Variants in SLC25A13 observed in about 807,000 individuals in gnomAD.
SLC25A13 encodes electrogenic aspartate/glutamate antiporter SLC25A13, mitochondrial.
In SLC25A13, 70 loss-of-function variants were observed where a neutral mutation model predicts 85.5. The observed-to-expected ratio is 0.82, with a 90% CI of 0.68 to 1.00. The LOEUF is 1.00. Among genes scored for constraint, SLC25A13 ranks in the 50% least tolerant of loss-of-function variants. The pLI, the probability that SLC25A13 is intolerant of heterozygous loss-of-function variation, is 0.00. For synonymous variants in SLC25A13, 259 were observed against 288.7 expected (o/e 0.90, Z 1.04); for missense variants, 765 against 819.8 (o/e 0.93, Z 0.82).
At chr7:96,251,887 G>A (rs1282170217) in intron 3 of SLC25A13, among the ~76,000 whole-genome samples, 1 of 152,174 alleles carries the variant, frequency 6.6e-6, no homozygotes, top group Non-Finnish European at 1.5e-5. Context: ...GACTGAATGT[G>A]GGCTGTGTGT....
chr7:96,251,349 T>G (rs1357708354), intron 3 of SLC25A13, among the ~76,000 whole-genome samples: 1 of 152,174 alleles, frequency 6.6e-6, no homozygotes, highest in African/African-American at 2.4e-5. Flanking sequence ...CTTTGGCTTT[T>G]ACTCTGAGTG....
intron 4 of SLC25A13, among the ~76,000 whole-genome samples, chr7:96,233,096 C>G (rs1796617219): frequency 6.6e-6 from 1 of 152,222 alleles, no homozygotes; most frequent in Non-Finnish European, 1.5e-5. Flanking sequence ...TATCAAGGAA[C>G]TACCTGAAGC....
At chr7:96,308,570 T>C (rs1799843513) in intron 1 of SLC25A13, among the ~76,000 whole-genome samples, 1 of 152,170 alleles carries the variant, frequency 6.6e-6, no homozygotes, top group African/African-American at 2.4e-5. Flanking sequence ...TCAGAGTTAA[T>C]CTTTAAAAGG....
intron 3 of SLC25A13, among the ~76,000 whole-genome samples, chr7:96,238,939 A>G (rs1395325429): frequency 1.3e-5 from 2 of 150,708 alleles, no homozygotes; most frequent in Non-Finnish European, 3.0e-5. Context: ...TAAAAGGCTT[A>G]TATAAAAAAA....
chr7:96,291,087 C>T (rs1799100018), intron 2 of SLC25A13, among the ~76,000 whole-genome samples: 1 of 152,154 alleles, frequency 6.6e-6, no homozygotes, highest in African/African-American at 2.4e-5. Flanking sequence ...GTCTCTCAGA[C>T]CACAGTGCAA....
At chr7:96,148,892 A>G in intron 13 of SLC25A13, among the ~76,000 whole-genome samples, 1 of 152,212 alleles carries the variant, frequency 6.6e-6, no homozygotes, top group East Asian at 1.9e-4. Flanking sequence ...GAAGATAAAA[A>G]GAGATGGAGA....
chr7:96,245,597 A>C (rs1427671371), intron 3 of SLC25A13, among the ~76,000 whole-genome samples: 1 of 152,252 alleles, frequency 6.6e-6, no homozygotes, highest in Non-Finnish European at 1.5e-5. Flanking sequence ...ATAATTACCA[A>C]CACTGAGAGC....
At chr7:96,261,823 T>C (rs542386886) in intron 3 of SLC25A13, among the ~76,000 whole-genome samples, 25 of 152,302 alleles carry the variant, frequency 1.6e-4, no homozygotes, top group African/African-American at 5.8e-4. Flanking sequence ...GGCACTGACA[T>C]TGAGGGCTTT....
rs1424552569 is a variant in SLC25A13 at position 96,120,740 on chromosome 7, T to A, written c.*451A>T. 8.8e-6 allele frequency: 4 copies of A among 454,080 alleles called. No homozygotes were observed. Among genetic ancestry groups the A allele is most frequent in the Non-Finnish European group, 1.8e-5 (4 of 226,980 alleles). 28.1% of individuals were successfully genotyped at this position (454,080 alleles called of 1,614,324 possible). On this transcript the variant is annotated 3_prime_UTR_variant, in exon 18 of 18. Transcript: ENST00000265631. ...CAGGCTGAATATATTTGATATATAT[T>A]TTTTCATTTCTCCCAGTGTTTTTTA...
At chr7:96,191,307 G>T in intron 6 of SLC25A13, 60 bp from the exon 7 acceptor site, 2 of 1,554,642 alleles carry the variant, frequency 1.3e-6, no homozygotes, top group Non-Finnish European at 8.8e-7. Context: ...AGATGATTCA[G>T]AAGTACATAC....
intron 1 of SLC25A13, among the ~76,000 whole-genome samples, chr7:96,315,867 G>T (rs944098542): frequency 1.3e-5 from 2 of 151,828 alleles, no homozygotes; most frequent in African/African-American, 4.8e-5. Flanking sequence ...TCTGAAGAGG[G>T]TTTTATGATG....
intron 2 of SLC25A13, among the ~76,000 whole-genome samples, chr7:96,296,030 C>T (rs1023607332): frequency 5.9e-5 from 9 of 151,824 alleles, no homozygotes; most frequent in Admixed American, 6.6e-5. Flanking sequence ...TAATCATTCA[C>T]TGCCCACTAT....
intron 9 of SLC25A13, among the ~76,000 whole-genome samples, chr7:96,188,556 C>A (rs1004946401): frequency 6.6e-6 from 1 of 152,190 alleles, no homozygotes; most frequent in Non-Finnish European, 1.5e-5. Context: ...AAACGACACT[C>A]GCCTGTGAGT....
At chr7:96,156,357 T>C (rs947489518) in intron 13 of SLC25A13, among the ~76,000 whole-genome samples, 1 of 151,318 alleles carries the variant, frequency 6.6e-6, no homozygotes, top group African/African-American at 2.4e-5. Context: ...AGTGCAGTAG[T>C]GCAAACTCAG....
intron 11 of SLC25A13, among the ~76,000 whole-genome samples, chr7:96,176,922 T>C (rs1305804960): frequency 6.6e-6 from 1 of 152,166 alleles, no homozygotes; most frequent in Non-Finnish European, 1.5e-5. Flanking sequence ...CTGTGCATCT[T>C]TCACACTGAG....
At chr7:96,214,650 C>T (rs939366369) in intron 4 of SLC25A13, among the ~76,000 whole-genome samples, 19 of 152,108 alleles carry the variant, frequency 1.2e-4, no homozygotes, top group Admixed American at 1.2e-3. Context: ...TGGCGTGAAC[C>T]CGGAAGGCGG....
At chr7:96,275,951 C>T (rs1231001235) in intron 3 of SLC25A13, among the ~76,000 whole-genome samples, 2 of 152,074 alleles carry the variant, frequency 1.3e-5, no homozygotes, top group South Asian at 4.1e-4. Context: ...TGAGAGTATT[C>T]GAAGTACATA....
chr7:96,149,640 G>C (rs1016844808), intron 13 of SLC25A13, among the ~76,000 whole-genome samples: 1 of 152,190 alleles, frequency 6.6e-6, no homozygotes, highest in African/African-American at 2.4e-5. Flanking sequence ...ACTCAAAGTG[G>C]CACATTGTAA....
intron 4 of SLC25A13, among the ~76,000 whole-genome samples, chr7:96,228,638 T>C (rs1584483767): frequency 6.6e-6 from 1 of 152,228 alleles, no homozygotes; most frequent in African/African-American, 2.4e-5. Flanking sequence ...AGCCTGCCAC[T>C]GCACTGTGGG....
Sources: allele counts gnomAD v4.1 joint callset (sites outside exome capture counted in the v4.1 genomes callset), GRCh38; gene constraint gnomAD v4.1.1; transcripts MANE v1.5; gene names NCBI Gene and HGNC (gene_info 2026-07-23, HGNC 2026-07-21).